PER2: variants seen among roughly 807,000 people sequenced by gnomAD.
PER2 encodes the protein period circadian regulator 2.
In PER2, 66 loss-of-function variants were observed where a neutral mutation model predicts 121.0. The ratio of observed to expected loss-of-function variants is 0.55; its 90% CI spans 0.45 to 0.67. The LOEUF (loss-of-function observed/expected upper bound fraction) is 0.67, where lower values mean the gene tolerates loss of function less well. Among genes scored for constraint, PER2 ranks in the 30% least tolerant of loss-of-function variants. The pLI is 0.00. For synonymous variants in PER2, 684 were observed against 659.9 expected (o/e 1.04, Z -0.56); for missense variants, 1,521 against 1,635.0 (o/e 0.93, Z 1.20).
chr2:238,252,528 G>C lies in PER2; in HGVS notation c.3111+384C>G, dbSNP rs1236118400. ...CCCCCTCCTTCTCCGCCTTCACCGG[G>C]GCCACCTGAGCCAGGCTCCGGCGCC... On this transcript the variant is annotated intron_variant, in intron 19 of 22. Transcript: ENST00000254657. This position sits in a 1 kb window ranked among gnomAD's most constrained non-coding sequence, Gnocchi z 4.2. 6.6e-6 allele frequency among the ~76,000 whole-genome samples: 1 copy of C among 152,206 alleles called. No homozygotes were observed. The highest frequency in any genetic ancestry group is 2.4e-5 in the African/African-American group (1 of 41,440).
In PER2 at chr2:238,264,799, T is replaced by C. The variant is rs567059845; in HGVS notation, c.1046+713A>G. Among the ~76,000 whole-genome samples the C allele has an allele frequency of 2.6e-5, 4 of 152,300 alleles. No homozygotes were observed. The South Asian group carries it at 8.3e-4, about 32-fold the overall frequency. On this transcript the variant is annotated intron_variant, in intron 9 of 22. Coordinates refer to ENST00000254657, the MANE Select transcript of PER2 (RefSeq NM_022817.3). ...CACCACACCCAGCTAATTTTTATTT[T>C]ATTTTGCAGAGACAGGGTCTTGCTA... is the stretch of plus-strand genomic sequence containing the variant.
rs76352022 is a variant in PER2, at chr2:238,258,490, G to A, written c.1775+7C>T. On this transcript the variant is annotated splice_region_variant and intron_variant, in intron 15 of 22. Coordinates refer to ENST00000254657, the MANE Select transcript of PER2 (RefSeq NM_022817.3). ...TGGTGGAGACTCGGCTGGAAATGCC[G>A]GCATACCTGATGACGCTGTCCAAGC... The A allele has an allele frequency of 3.9e-5, 63 of 1,614,054 alleles. No individual in the cohort carries two copies. The highest frequency in any genetic ancestry group is 3.3e-4 in the Middle Eastern group (2 of 6,062).
rs10173265 is a variant in PER2 at position 238,253,817 on chromosome 2, C to G, written c.2321-115G>C. The G allele has an allele frequency of 6.1e-6, 5 of 820,252 alleles. No homozygotes were observed. The African/African-American group carries it at 6.8e-5, about 11-fold the overall frequency. The allele number at this position is 820,252 out of a possible 1,614,324, so 50.8% of individuals were successfully genotyped here. On this transcript the variant is annotated intron_variant, in intron 18 of 22. Coordinates refer to ENST00000254657, the MANE Select transcript of PER2 (RefSeq NM_022817.3). The surrounding 1 kb of genome is among the most constrained non-coding windows in gnomAD (Gnocchi z 5.6). Reference sequence around the variant, plus strand: ...CTGGCCCAGGGCCTGCCTGGTCCACCGAGCGGTTTTCCCTGATCCTCAGTG... The same window carrying G: ...CTGGCCCAGGGCCTGCCTGGTCCACGGAGCGGTTTTCCCTGATCCTCAGTG...
At chr2:238,290,456 C>T (rs1479188512), upstream of PER2, among the ~76,000 whole-genome samples, 1 of 152,134 alleles carries the variant, frequency 6.6e-6, no homozygotes, top group African/African-American at 2.4e-5. Flanking sequence ...CACACCTTAC[C>T]GAGATTCTTC....
At chr2:238,275,122 C>T (rs1696412425) in intron 4 of PER2, among the ~76,000 whole-genome samples, 1 of 152,224 alleles carries the variant, frequency 6.6e-6, no homozygotes, top group African/African-American at 2.4e-5. Flanking sequence ...TACTGCTTCA[C>T]CTTTAAGCCT....
chr2:238,244,108 C>G lies in PER2; in HGVS notation c.*2267G>C. 1 of 152,526 alleles carries G rather than the reference C, an allele frequency of 6.6e-6. No homozygotes were observed. The highest frequency in any genetic ancestry group is 1.9e-4 in the East Asian group (1 of 5,198). The allele number at this position is 152,526 out of a possible 1,614,324, so 9.4% of individuals were successfully genotyped here. On this transcript the variant is annotated 3_prime_UTR_variant, in exon 23 of 23. Transcript: ENST00000254657. ...CAAACAGGTCATAAAAAGACACAAG[C>G]AGTCAAACAAATCTATTGCACTGGG...
At chr2:238,270,949 C>A (rs1020415687) in intron 6 of PER2, among the ~76,000 whole-genome samples, 1 of 152,240 alleles carries the variant, frequency 6.6e-6, no homozygotes, top group African/African-American at 2.4e-5. Context: ...GCTAAGGTGG[C>A]AGGGGGACGC....
intron 4 of PER2, among the ~76,000 whole-genome samples, chr2:238,274,869 C>T (rs965937578): frequency 6.6e-6 from 1 of 152,078 alleles, no homozygotes; most frequent in Admixed American, 6.5e-5. Context: ...TAGAGGACAC[C>T]CAAAGCCAAC....
upstream of PER2, among the ~76,000 whole-genome samples, chr2:238,293,500 T>C (rs1447425953): frequency 1.3e-5 from 2 of 152,024 alleles, no homozygotes; most frequent in Non-Finnish European, 2.9e-5. Context: ...CTTGGGAGGC[T>C]GAGGCAGGCA....
At chr2:238,261,139 C>T (rs894246802) in intron 12 of PER2, among the ~76,000 whole-genome samples, 186 bp from the exon 13 acceptor site, 3 of 152,228 alleles carry the variant, frequency 2.0e-5, no homozygotes, top group East Asian at 1.9e-4. Flanking sequence ...GGCCTCCAGC[C>T]GCGGTGCCCC....
the PER2 span, chr2:238,299,030 G>A: frequency 6.6e-6 from 1 of 152,298 alleles, no homozygotes; most frequent in Non-Finnish European, 1.5e-5. Flanking sequence ...CAGCACTTTG[G>A]GAGGCCAAGG....
chr2:238,250,969 G>A (rs1695582105), intron 20 of PER2, among the ~76,000 whole-genome samples: 1 of 152,196 alleles, frequency 6.6e-6, no homozygotes, highest in Non-Finnish European at 1.5e-5. Flanking sequence ...TTCCTGTGAA[G>A]CCCTGAGCAG....
Position 238,252,978 on chromosome 2 carries a change from T to C in PER2, c.3045A>G (p.Thr1015=), listed in dbSNP as rs1262309891. ...GTTTGCAGTCCGCCCCTACAGCTGC[T>C]GTCTCTGTGGCCCCTGTGGTCCCCA... The part of the protein sequence containing the change: ...GAMGTTGATE[T]AAVGADCKPG... The change falls in exon 19 of 23, where the codon ACA becomes ACG. Residue 1015 remains threonine (T), a synonymous_variant. Coordinates refer to ENST00000254657, the MANE Select transcript of PER2 (RefSeq NM_022817.3). The surrounding 1 kb of genome is among the most constrained non-coding windows in gnomAD (Gnocchi z 4.2). The C allele has an allele frequency of 6.2e-7, 1 of 1,613,900 alleles. No individual in the cohort carries two copies. Among genetic ancestry groups the C allele is most frequent in the Non-Finnish European group, 8.5e-7 (1 of 1,180,030 alleles).
At chr2:238,286,737 C>G (rs1304419632) in intron 1 of PER2, among the ~76,000 whole-genome samples, 2 of 152,270 alleles carry the variant, frequency 1.3e-5, no homozygotes, top group African/African-American at 4.8e-5. Flanking sequence ...GCCAGCTGTT[C>G]AATGACCTGA....
At position 238,268,810 on chromosome 2, in the gene PER2, G is replaced by T; in HGVS notation, c.824+113C>A. ...GTTTTCTGGTAGACTTCAGAAACAG[G>T]CGTGCTGAGTCCCTGCAGGCAGGGA... On this transcript the variant is annotated intron_variant, in intron 7 of 22. Coordinates refer to ENST00000254657, the MANE Select transcript of PER2 (RefSeq NM_022817.3). The surrounding 1 kb of genome is among the most constrained non-coding windows in gnomAD (Gnocchi z 4.0). 1 of 780,476 alleles carries T rather than the reference G, an allele frequency of 1.3e-6. No homozygotes were observed. Among genetic ancestry groups the T allele is most frequent in the East Asian group, 2.5e-5 (1 of 40,404 alleles). 48.3% of individuals were successfully genotyped at this position (780,476 alleles called of 1,614,324 possible).
At chr2:238,262,770 CCT>C (rs549940208) in intron 10 of PER2, among the ~76,000 whole-genome samples, 180 bp downstream of exon 10, 64 of 152,174 alleles carry the variant, frequency 4.2e-4, no homozygotes, top group Non-Finnish European at 7.6e-4. Context: ...TGAGTTTACC[CCT>C]CTCTCTCGAC....
intron 9 of PER2, among the ~76,000 whole-genome samples, 190 bp from the exon 10 acceptor site, chr2:238,263,248 G>A (rs969675947): frequency 7.1e-6 from 1 of 141,624 alleles, no homozygotes; most frequent in Admixed American, 8.0e-5. Flanking sequence ...AAGGTTCACT[G>A]TCCAGGACGC....
intron 12 of PER2, 134 bp from the exon 13 acceptor site, chr2:238,261,087 C>T: frequency 9.0e-7 from 1 of 1,108,206 alleles, no homozygotes; most frequent in Non-Finnish European, 1.3e-6. Flanking sequence ...ACCAGGGGAG[C>T]TGAGGTTTGA....
rs191869213 is a variant in PER2, at chr2:238,273,260, T to C, written c.449-69A>G. 9.9e-5 allele frequency: 152 copies of C among 1,531,890 alleles called. 2 individuals carry two copies. The East Asian group carries it at 3.3e-3, about 33-fold the overall frequency. 94.9% of individuals were successfully genotyped at this position (1,531,890 alleles called of 1,614,324 possible). Reference sequence around the variant, plus strand: ...TTGGCCGGAGACAGTCACTAGCTCTTACAAACTGAGGGCTCTACTTTTCTC... The same window carrying C: ...TTGGCCGGAGACAGTCACTAGCTCTCACAAACTGAGGGCTCTACTTTTCTC... On this transcript the variant is annotated intron_variant, in intron 4 of 22. Transcript: ENST00000254657.
Sources: allele counts gnomAD v4.1 joint callset (sites outside exome capture counted in the v4.1 genomes callset), GRCh38; gene constraint gnomAD v4.1.1; non-coding constraint Gnocchi (gnomAD v3.1); transcripts MANE v1.5; gene names NCBI Gene and HGNC (gene_info 2026-07-23, HGNC 2026-07-21).